NPAS3: variants seen among roughly 807,000 people sequenced by gnomAD.
NPAS3 encodes neuronal PAS domain protein 3.
Under a neutral mutation model 73.1 loss-of-function variants are expected in NPAS3, and 14 were observed. The observed-to-expected ratio is 0.19, with a 90% CI of 0.13 to 0.30. NPAS3 has a LOEUF of 0.30. Among genes scored for constraint, NPAS3 ranks in the 10% least tolerant of loss-of-function variants. NPAS3 has a pLI of 1.00. For missense variants in NPAS3, 1,096 were observed against 1,250.0 expected, an observed-to-expected ratio of 0.88 and a Z score of 1.86; for synonymous variants, 620 against 541.5, an observed-to-expected ratio of 1.14 and a Z score of -2.01.
chr14:33,549,038 T>A lies in NPAS3; in HGVS notation c.469-11083T>A, dbSNP rs145912648. On this transcript the variant is annotated intron_variant, in intron 4 of 11. Coordinates refer to ENST00000356141, the Ensembl canonical transcript of NPAS3. Reference sequence around the variant, plus strand: ...ATGTGAACATGTTTATATTTATTTATAACCAAATGTCCAGGCATCTCAAAA... The same window carrying A: ...ATGTGAACATGTTTATATTTATTTAAAACCAAATGTCCAGGCATCTCAAAA... Among the ~76,000 whole-genome samples the A allele has an allele frequency of 1.7e-3, 259 of 152,290 alleles. 2 individuals are homozygous for A. Among genetic ancestry groups the A allele is most frequent in the African/African-American group, 5.9e-3 (244 of 41,576 alleles).
intron 2 of NPAS3, among the ~76,000 whole-genome samples, chr14:33,208,226 G>A (rs1369574154): frequency 6.6e-6 from 1 of 152,132 alleles, no homozygotes; most frequent in African/African-American, 2.4e-5. Context: ...ACAATGAATA[G>A]TTTGGTCTTG....
chr14:33,342,047 C>G (rs10135876), intron 3 of NPAS3, among the ~76,000 whole-genome samples: 99,783 of 152,016 alleles, frequency 0.66, 33,375 homozygotes, highest in Admixed American at 0.75. Context: ...TGGTCTAATC[C>G]CCAACCTTTT....
intron 6 of NPAS3, among the ~76,000 whole-genome samples, chr14:33,692,912 G>A (rs1300874766): frequency 6.9e-6 from 1 of 145,666 alleles, no homozygotes; most frequent in African/African-American, 2.5e-5. Flanking sequence ...TATCAGCAGT[G>A]CCCAGAATAA....
intron 5 of NPAS3, among the ~76,000 whole-genome samples, chr14:33,579,256 T>G (rs548650603): frequency 6.6e-6 from 1 of 152,366 alleles, no homozygotes; most frequent in South Asian, 2.1e-4. Flanking sequence ...AGTCTTCTTA[T>G]TCACACATCT....
intron 4 of NPAS3, among the ~76,000 whole-genome samples, chr14:33,429,177 A>C (rs1320449391): frequency 1.3e-5 from 2 of 152,176 alleles, no homozygotes; most frequent in African/African-American, 2.4e-5. Context: ...GGTAGATGTT[A>C]AAAGATGTCA....
chr14:33,662,946 C>T (rs544843475), intron 5 of NPAS3, among the ~76,000 whole-genome samples: 8 of 149,840 alleles, frequency 5.3e-5, no homozygotes, highest in Admixed American at 2.0e-4. Flanking sequence ...CTGCAACCTC[C>T]GCCTCCTGGG....
Position 32,949,967 on chromosome 14 carries a change from A to G in NPAS3, c.50+10601A>G, listed in dbSNP as rs550335519. 3.3e-5 allele frequency among the ~76,000 whole-genome samples: 5 copies of G among 152,130 alleles called. No homozygotes were observed. The East Asian group carries it at 9.6e-4, about 29-fold the overall frequency. The stretch of plus-strand genomic sequence containing the variant: ...GAGATTTTGGAATTTTTGGTTTATT[A>G]TACACCAAAGTATAGAGGAAATAGT... On this transcript the variant is annotated intron_variant, in intron 1 of 11. Coordinates refer to ENST00000356141, the Ensembl canonical transcript of NPAS3.
chr14:33,347,612 C>T (rs1333344270), intron 3 of NPAS3, among the ~76,000 whole-genome samples: 1 of 152,140 alleles, frequency 6.6e-6, no homozygotes, highest in Non-Finnish European at 1.5e-5. Flanking sequence ...ATAGTACAGC[C>T]CTTCCTTGGT....
At chr14:33,768,069 TCAAA>T (rs1484381014) in intron 7 of NPAS3, among the ~76,000 whole-genome samples, 1 of 152,104 alleles carries the variant, frequency 6.6e-6, no homozygotes, top group Non-Finnish European at 1.5e-5. Flanking sequence ...AAAATAAAAG[TCAAA>T]CAATGATTTC....
intron 3 of NPAS3, among the ~76,000 whole-genome samples, chr14:33,264,578 G>C (rs1566738018): frequency 6.6e-6 from 1 of 152,046 alleles, no homozygotes; most frequent in Non-Finnish European, 1.5e-5. Flanking sequence ...ATTTTATTAG[G>C]AGAGGTAGAT....
intron 2 of NPAS3, among the ~76,000 whole-genome samples, chr14:33,185,366 A>G (rs2045942321): frequency 6.6e-6 from 1 of 152,188 alleles, no homozygotes. Context: ...TGTGTTATCC[A>G]TGCTAATGTT....
intron 2 of NPAS3, among the ~76,000 whole-genome samples, chr14:33,088,611 C>T (rs2042114784): frequency 6.6e-6 from 1 of 152,214 alleles, no homozygotes; most frequent in South Asian, 2.1e-4. Context: ...AGGGCATAGC[C>T]AAACAAAAGG....
intron 1 of NPAS3, among the ~76,000 whole-genome samples, chr14:33,010,663 T>A (rs1429176121): frequency 6.6e-6 from 1 of 152,132 alleles, no homozygotes; most frequent in African/African-American, 2.4e-5. Flanking sequence ...TATTAAACAT[T>A]GAAGTAGGCT....
chr14:33,176,258 T>C (rs1029903225), intron 2 of NPAS3, among the ~76,000 whole-genome samples: 10 of 152,340 alleles, frequency 6.6e-5, no homozygotes, highest in African/African-American at 2.4e-4. Flanking sequence ...AACCTTTTTA[T>C]GTATACAGTG....
intron 4 of NPAS3, among the ~76,000 whole-genome samples, chr14:33,446,152 A>T (rs1413493041): frequency 1.4e-5 from 2 of 145,660 alleles, no homozygotes; most frequent in African/African-American, 2.6e-5. Flanking sequence ...TTCTCTAGGG[A>T]CACTTCATGC....
intron 3 of NPAS3, among the ~76,000 whole-genome samples, chr14:33,341,926 T>G (rs2044504232): frequency 6.6e-6 from 1 of 152,200 alleles, no homozygotes; most frequent in African/African-American, 2.4e-5. Context: ...ATCTTTGAAG[T>G]CCTTTTTTAA....
intron 4 of NPAS3, among the ~76,000 whole-genome samples, chr14:33,537,158 T>G (rs2054293974): frequency 1.3e-5 from 2 of 152,160 alleles, no homozygotes; most frequent in African/African-American, 4.8e-5. Flanking sequence ...GAAGGAAAAT[T>G]TAATCTTCTG....
chr14:33,566,469 C>A (rs1397873410), intron 5 of NPAS3, among the ~76,000 whole-genome samples: 1 of 152,084 alleles, frequency 6.6e-6, no homozygotes, highest in Non-Finnish European at 1.5e-5. Flanking sequence ...CCCACCCTTC[C>A]AAATAGGCAA....
chr14:33,350,614 A>G (rs1218126946), intron 3 of NPAS3, among the ~76,000 whole-genome samples: 3 of 152,252 alleles, frequency 2.0e-5, no homozygotes, highest in Non-Finnish European at 4.4e-5. Context: ...CTATTAGCCA[A>G]TTAGTTTCAT....
Sources: gnomAD v4.1 joint callset for allele counts (sites outside exome capture counted in the v4.1 genomes callset) on GRCh38, gnomAD v4.1.1 for gene constraint, MANE v1.5 for transcripts, NCBI Gene and HGNC (gene_info 2026-07-23, HGNC 2026-07-21) for gene names.